CDC42SE2: variants seen among roughly 807,000 people sequenced by gnomAD.
The protein encoded by CDC42SE2 is CDC42 small effector protein 2.
Under a neutral mutation model 11.5 loss-of-function variants are expected in CDC42SE2, and 3 were observed. The observed-to-expected ratio is 0.26, with a 90% CI of 0.12 to 0.67. The LOEUF is 0.67. CDC42SE2 is among the 30% of genes least tolerant of loss of function. The pLI is 0.80. For missense variants in CDC42SE2, 82 were observed against 106.8 expected, an observed-to-expected ratio of 0.77 and a Z score of 1.02; for synonymous variants, 33 against 34.8, an observed-to-expected ratio of 0.95 and a Z score of 0.18.
At chr5:131,298,480 G>C (rs1757618170) in intron 1 of CDC42SE2, among the ~76,000 whole-genome samples, 2 of 150,926 alleles carry the variant, frequency 1.3e-5, no homozygotes, top group Admixed American at 6.6e-5. Context: ...TTTGAACTGT[G>C]GATATTATTT....
intron 1 of CDC42SE2, among the ~76,000 whole-genome samples, chr5:131,287,520 T>C (rs1438479543): frequency 2.0e-5 from 3 of 151,928 alleles, no homozygotes; most frequent in African/African-American, 7.3e-5. Flanking sequence ...GCGAGTGCAG[T>C]GGCACGATCA....
At chr5:131,372,125 G>A (rs540978372) in intron 3 of CDC42SE2, among the ~76,000 whole-genome samples, 48 of 152,160 alleles carry the variant, frequency 3.2e-4, no homozygotes, top group Middle Eastern at 3.4e-3. Flanking sequence ...TACCTGTTAT[G>A]TACTTATGCA....
intron 1 of CDC42SE2, among the ~76,000 whole-genome samples, chr5:131,282,371 CTT>C (rs901778974): frequency 6.6e-6 from 1 of 152,114 alleles, no homozygotes; most frequent in Non-Finnish European, 1.5e-5. Context: ...GCAAGTTTCT[CTT>C]ATCAGATTTA....
upstream of CDC42SE2, among the ~76,000 whole-genome samples, chr5:131,262,414 TA>T (rs34214992): frequency 1.3e-5 from 2 of 151,596 alleles, no homozygotes; most frequent in East Asian, 1.9e-4. Context: ...AAATTTAAAA[TA>T]AAAAAAATTG....
chr5:131,216,048 T>C, the CDC42SE2 span, among the ~76,000 whole-genome samples: 1 of 152,208 alleles, frequency 6.6e-6, no homozygotes, highest in Non-Finnish European at 1.5e-5. Context: ...CACCTGGTAA[T>C]AACACATCAA....
At chr5:131,314,065 G>T (rs578080119) in intron 1 of CDC42SE2, among the ~76,000 whole-genome samples, 41 of 152,210 alleles carry the variant, frequency 2.7e-4, no homozygotes, top group African/African-American at 9.6e-4. Flanking sequence ...TATTAGAATT[G>T]TGTTGACTAT....
intron 3 of CDC42SE2, among the ~76,000 whole-genome samples, chr5:131,380,116 T>C (rs1045227128): frequency 2.0e-5 from 3 of 151,876 alleles, no homozygotes; most frequent in African/African-American, 7.3e-5. Flanking sequence ...AAAGAAAATA[T>C]TTAATTTTCC....
intron 1 of CDC42SE2, among the ~76,000 whole-genome samples, chr5:131,268,666 G>T (rs1254685386): frequency 6.6e-6 from 1 of 151,162 alleles, no homozygotes; most frequent in African/African-American, 2.4e-5. Context: ...TGGTGAGGCT[G>T]GTCTCGAACT....
chr5:131,369,492 C>CA (rs1241121568), intron 3 of CDC42SE2, among the ~76,000 whole-genome samples: 3 of 152,156 alleles, frequency 2.0e-5, no homozygotes, highest in Non-Finnish European at 4.4e-5. Flanking sequence ...CAAGCAAAAG[C>CA]AAATTCTTTT....
chr5:131,363,782 G>A (rs772549853), intron 3 of CDC42SE2, among the ~76,000 whole-genome samples: 3 of 141,580 alleles, frequency 2.1e-5, no homozygotes, highest in Non-Finnish European at 4.5e-5. Context: ...TGCAACCTCC[G>A]CCTCCTAGGT....
At chr5:131,330,516 C>G (rs1758399164) in intron 2 of CDC42SE2, among the ~76,000 whole-genome samples, 1 of 152,058 alleles carries the variant, frequency 6.6e-6, no homozygotes. Context: ...ACTTCTTTTT[C>G]AGTTCACTTT....
chr5:131,252,169 C>T (rs550208663), intron 1 of CDC42SE2, among the ~76,000 whole-genome samples: 4 of 151,962 alleles, frequency 2.6e-5, no homozygotes, highest in South Asian at 2.1e-4. Context: ...ATGAAGGTTA[C>T]AAGAAGCTTA....
intron 2 of CDC42SE2, among the ~76,000 whole-genome samples, chr5:131,346,188 A>G (rs1031622239): frequency 2.0e-4 from 31 of 152,128 alleles, no homozygotes; most frequent in African/African-American, 7.5e-4. Context: ...AAATGTTCCA[A>G]TTAAAAGACA....
At chr5:131,267,405 G>C (rs753526971) in intron 1 of CDC42SE2, among the ~76,000 whole-genome samples, 3 of 151,594 alleles carry the variant, frequency 2.0e-5, no homozygotes, top group Non-Finnish European at 2.9e-5. Context: ...TCAAAGTATT[G>C]TTCCTTCCTT....
At chr5:131,247,186 A>T (rs1580714245) in intron 1 of CDC42SE2, among the ~76,000 whole-genome samples, 1 of 152,224 alleles carries the variant, frequency 6.6e-6, no homozygotes, top group Non-Finnish European at 1.5e-5. Flanking sequence ...AAAACACTAA[A>T]CAAAATATTA....
At position 131,342,388 on chromosome 5, in the gene CDC42SE2, C is replaced by CTTTTTTTTT. The variant is rs35818778; in HGVS notation, c.-285-16810_-285-16802dup. On this transcript the variant is annotated intron_variant, in intron 2 of 4. Coordinates refer to ENST00000505065, the MANE Select transcript of CDC42SE2 (RefSeq NM_001375635.1). ...TCAGAGATTTGCCATTTTTAATAGT[C>CTTTTTTTTT]TTTTTTTTTTTTTTTTTTTAAGATA... is the stretch of plus-strand genomic sequence containing the variant. 7.4e-3 allele frequency among the ~76,000 whole-genome samples: 827 copies of CTTTTTTTTT among 111,276 alleles called. 113 individuals are homozygous for CTTTTTTTTT. The highest frequency in any genetic ancestry group is 0.034 in the African/African-American group (762 of 22,542). 73.0% of individuals were successfully genotyped at this position (111,276 alleles called of 152,430 possible). A position where few individuals can be genotyped will look rare whatever the true frequency, so the allele number is the denominator to read the frequency against.
chr5:131,372,482 G>A (rs982651415), intron 3 of CDC42SE2, among the ~76,000 whole-genome samples: 1 of 152,044 alleles, frequency 6.6e-6, no homozygotes, highest in African/African-American at 2.4e-5. Context: ...GGGAGGCTGA[G>A]GTGGGTGGAT....
the CDC42SE2 span, among the ~76,000 whole-genome samples, chr5:131,216,675 TCA>T: frequency 6.6e-6 from 1 of 152,140 alleles, no homozygotes; most frequent in Non-Finnish European, 1.5e-5. Flanking sequence ...GCAATGGATG[TCA>T]CAGTGTTTCC....
the CDC42SE2 span, among the ~76,000 whole-genome samples, chr5:131,222,768 G>A: frequency 1.3e-5 from 2 of 152,216 alleles, no homozygotes; most frequent in African/African-American, 4.8e-5. Flanking sequence ...AGAAGAGGAT[G>A]TGAGTGGAGG....
Sources: gnomAD v4.1 joint callset for allele counts (sites outside exome capture counted in the v4.1 genomes callset) on GRCh38, gnomAD v4.1.1 for gene constraint, MANE v1.5 for transcripts, NCBI Gene and HGNC (gene_info 2026-07-23, HGNC 2026-07-21) for gene names.